EVI5: variants seen among roughly 807,000 people sequenced by gnomAD.
EVI5 encodes ecotropic viral integration site 5 protein homolog.
In EVI5, 73 loss-of-function variants were observed where a neutral mutation model predicts 112.0. The ratio of observed to expected loss-of-function variants is 0.65; its 90% confidence interval spans 0.54 to 0.79. EVI5 has a LOEUF of 0.79. Ranked by LOEUF, EVI5 falls within the 30% of genes least tolerant of loss-of-function variation. EVI5 has a pLI of 0.00. For missense variants in EVI5, 900 were observed against 968.8 expected, an observed-to-expected ratio of 0.93 and a Z score of 0.94; for synonymous variants, 305 against 319.9, an observed-to-expected ratio of 0.95 and a Z score of 0.50.
chr1:92,641,822 T>C (rs1030154958), intron 13 of EVI5, among the ~76,000 whole-genome samples: 1 of 152,170 alleles, frequency 6.6e-6, no homozygotes, highest in African/African-American at 2.4e-5. Context: ...TTTAAGTATT[T>C]GCTACACTAA....
At chr1:92,591,982 G>A (rs1034815933) in intron 18 of EVI5, among the ~76,000 whole-genome samples, 1 of 152,190 alleles carries the variant, frequency 6.6e-6, no homozygotes, top group African/African-American at 2.4e-5. Flanking sequence ...GGTGGCTCAC[G>A]CTTGTAATCC....
At chr1:92,752,007 C>A (rs1680269177) in intron 1 of EVI5, among the ~76,000 whole-genome samples, 1 of 152,034 alleles carries the variant, frequency 6.6e-6, no homozygotes, top group African/African-American at 2.4e-5. Context: ...CAGAGAGACA[C>A]CCTGTCTTAA....
At chr1:92,560,805 C>G (rs1487959107) in intron 19 of EVI5, among the ~76,000 whole-genome samples, 1 of 151,976 alleles carries the variant, frequency 6.6e-6, no homozygotes, top group Non-Finnish European at 1.5e-5. Flanking sequence ...GCTAAAGTGA[C>G]CCTCCAACCT....
intron 1 of EVI5, among the ~76,000 whole-genome samples, chr1:92,746,446 C>CT (rs1679254766): frequency 6.6e-6 from 1 of 152,198 alleles, no homozygotes; most frequent in Admixed American, 6.5e-5. Flanking sequence ...ACTGTACTGG[C>CT]TGGGCACAGT....
intron 16 of EVI5, among the ~76,000 whole-genome samples, chr1:92,616,413 C>T (rs959392799): frequency 2.6e-5 from 4 of 152,166 alleles, no homozygotes; most frequent in Non-Finnish European, 5.9e-5. Context: ...ACTCAACCAT[C>T]AAACGCAAGG....
chr1:92,625,989 G>GCA, intron 14 of EVI5, 55 bp from the exon 15 acceptor site: 2 of 1,102,376 alleles, frequency 1.8e-6, no homozygotes, highest in Non-Finnish European at 2.7e-6. Flanking sequence ...ATAAAATACA[G>GCA]CACACACAAC....
chr1:92,541,162 C>A (rs1271223388), intron 19 of EVI5, among the ~76,000 whole-genome samples: 1 of 152,044 alleles, frequency 6.6e-6, no homozygotes, highest in African/African-American at 2.4e-5. Flanking sequence ...AGAAGAAAGC[C>A]TGAAAATCAT....
intron 1 of EVI5, among the ~76,000 whole-genome samples, chr1:92,740,974 A>G (rs1678289964): frequency 6.6e-6 from 1 of 152,156 alleles, no homozygotes; most frequent in Admixed American, 6.5e-5. Context: ...CGTAGATTCC[A>G]TGCAACTCCC....
At chr1:92,547,063 T>A (rs1665844821) in intron 19 of EVI5, among the ~76,000 whole-genome samples, 1 of 152,118 alleles carries the variant, frequency 6.6e-6, no homozygotes, top group Admixed American at 6.6e-5. Context: ...CAGCACCACT[T>A]CACACTTATT....
At chr1:92,564,016 G>C (rs551751590) in intron 18 of EVI5, among the ~76,000 whole-genome samples, 3 of 152,054 alleles carry the variant, frequency 2.0e-5, no homozygotes, top group African/African-American at 7.2e-5. Flanking sequence ...TCTGCCTCCC[G>C]GGTTCAAGCA....
intron 10 of EVI5, among the ~76,000 whole-genome samples, chr1:92,674,849 A>G (rs1666461029): frequency 3.3e-5 from 5 of 152,190 alleles, no homozygotes; most frequent in Admixed American, 3.3e-4. Context: ...CATGGAAACA[A>G]TATTATAAAA....
intron 18 of EVI5, among the ~76,000 whole-genome samples, chr1:92,579,246 A>G (rs1671564589): frequency 6.6e-6 from 1 of 152,170 alleles, no homozygotes; most frequent in South Asian, 2.1e-4. Context: ...TTAATAAACC[A>G]TTCCCTTCCC....
intron 2 of EVI5, among the ~76,000 whole-genome samples, chr1:92,724,606 G>A (rs778424527): frequency 6.6e-6 from 1 of 152,026 alleles, no homozygotes; most frequent in Non-Finnish European, 1.5e-5. Context: ...CCAGGCGTTC[G>A]AGACAAGCCT....
At chr1:92,662,957 TAAAA>T in intron 12 of EVI5, 92 bp from the exon 13 acceptor site, 1 of 305,964 alleles carries the variant, frequency 3.3e-6, no homozygotes, top group Non-Finnish European at 4.8e-6. Flanking sequence ...TTTGACATGT[TAAAA>T]AAAAAAAAAA....
chr1:92,627,458 G>A (rs1350991314), intron 14 of EVI5, among the ~76,000 whole-genome samples: 2 of 152,180 alleles, frequency 1.3e-5, no homozygotes, highest in Non-Finnish European at 2.9e-5. Context: ...TTTTGCAATT[G>A]TGAATTGTGC....
At chr1:92,580,538 G>C (rs989038222) in intron 18 of EVI5, 4 of 167,942 alleles carry the variant, frequency 2.4e-5, no homozygotes, top group Non-Finnish European at 2.9e-5. Context: ...GTAGTTTCTT[G>C]TATCACCTCT....
At chr1:92,556,595 G>A (rs1334367782) in intron 19 of EVI5, among the ~76,000 whole-genome samples, 5 of 152,118 alleles carry the variant, frequency 3.3e-5, no homozygotes, top group Non-Finnish European at 5.9e-5. Context: ...ACAATGTTAA[G>A]TGAGGACTTA....
At chr1:92,648,355 AGAGC>A (rs201378424) in intron 13 of EVI5, among the ~76,000 whole-genome samples, 3,152 of 151,200 alleles carry the variant, frequency 0.021, 48 homozygotes, top group Non-Finnish European at 0.028. Flanking sequence ...CCTGGGCAAC[AGAGC>A]GAGACTCAGT....
chr1:92,631,243 G>T (rs1217335628), intron 14 of EVI5, among the ~76,000 whole-genome samples: 1 of 152,066 alleles, frequency 6.6e-6, no homozygotes, highest in East Asian at 1.9e-4. Context: ...TGATGGGGAT[G>T]GCATTGAATC....
Sources: gnomAD v4.1 joint callset for allele counts (sites outside exome capture counted in the v4.1 genomes callset) on GRCh38, gnomAD v4.1.1 for gene constraint, MANE v1.5 for transcripts, NCBI Gene and HGNC (gene_info 2026-07-23, HGNC 2026-07-21) for gene names.